Variants in LEKR1 observed in about 807,000 individuals in gnomAD.
The protein encoded by LEKR1 is leucine, glutamate and lysine rich 1.
A neutral mutation model predicts 72.4 loss-of-function variants in LEKR1; 59 were observed. The ratio of observed to expected loss-of-function variants is 0.82; its 90% CI spans 0.66 to 1.01. The LOEUF (loss-of-function observed/expected upper bound fraction) is 1.01. LEKR1 is among the 50% of genes least tolerant of loss of function. The pLI is 0.00. For missense variants in LEKR1, 728 were observed against 759.2 expected (o/e 0.96, Z 0.48); for synonymous variants, 257 against 263.2 (o/e 0.98, Z 0.23).
chr3:156,897,970 G>A (rs768217222), intron 3 of LEKR1, among the ~76,000 whole-genome samples: 4,616 of 146,046 alleles, frequency 0.032, 108 homozygotes, highest in Non-Finnish European at 0.048. Context: ...AAAAAAAAAA[G>A]AAATTGTGGA....
In LEKR1 at chr3:157,008,121, T is replaced by A. The variant is rs562827535; in HGVS notation, c.1110-3292T>A. ...CAGCCTAAAGACTAATGTGCAAGCA[T>A]CAAGCCTGCTGGGTCTGCCTCACAC... On this transcript the variant is annotated intron_variant, in intron 9 of 12. Transcript: ENST00000356539. Among the ~76,000 whole-genome samples the A allele has an allele frequency of 2.0e-5, 3 of 152,372 alleles. 1 individual carries two copies. The South Asian group carries it at 6.2e-4, about 32-fold the overall frequency.
At chr3:156,995,917 G>A (rs1020223873) in intron 9 of LEKR1, among the ~76,000 whole-genome samples, 7 of 151,628 alleles carry the variant, frequency 4.6e-5, no homozygotes, top group Non-Finnish European at 1.0e-4. Context: ...AAACATAAGC[G>A]TTGCCTTCTT....
intron 3 of LEKR1, among the ~76,000 whole-genome samples, chr3:156,873,793 A>AT (rs1040275466): frequency 6.6e-6 from 1 of 151,564 alleles, no homozygotes; most frequent in Non-Finnish European, 1.5e-5. Context: ...TAGTTAGGAG[A>AT]TTTTTTCTTT....
intron 5 of LEKR1, among the ~76,000 whole-genome samples, chr3:156,940,351 G>GA (rs988983116): frequency 3.3e-5 from 5 of 152,148 alleles, no homozygotes; most frequent in African/African-American, 1.2e-4. Flanking sequence ...GGTCCAAAAA[G>GA]ATTTCTGCAC....
chr3:156,886,643 CT>C (rs1239148230), intron 3 of LEKR1, among the ~76,000 whole-genome samples: 1 of 152,128 alleles, frequency 6.6e-6, no homozygotes, highest in Non-Finnish European at 1.5e-5. Context: ...GCTACTTCTA[CT>C]TTTTTGTGGG....
intron 3 of LEKR1, among the ~76,000 whole-genome samples, chr3:156,903,483 G>A (rs1722229914): frequency 6.6e-6 from 1 of 151,956 alleles, no homozygotes; most frequent in South Asian, 2.1e-4. Context: ...GATAGATCCT[G>A]GGCCATACAC....
chr3:157,021,770 G>C (rs538339341), intron 10 of LEKR1, among the ~76,000 whole-genome samples: 19 of 152,038 alleles, frequency 1.2e-4, no homozygotes, highest in Admixed American at 3.3e-4. Flanking sequence ...ATAGTTTGTT[G>C]CTCTTTTATT....
intron 3 of LEKR1, among the ~76,000 whole-genome samples, chr3:156,860,747 C>T (rs1342680820): frequency 6.6e-6 from 1 of 152,096 alleles, no homozygotes; most frequent in Non-Finnish European, 1.5e-5. Flanking sequence ...TAGTAAGTGG[C>T]TTAAATGGAC....
chr3:156,945,659 A>G (rs1332640964), intron 6 of LEKR1, among the ~76,000 whole-genome samples: 1 of 151,588 alleles, frequency 6.6e-6, no homozygotes, highest in African/African-American at 2.4e-5. Context: ...AGTTTTATTC[A>G]TCTGCATATG....
intron 3 of LEKR1, among the ~76,000 whole-genome samples, chr3:156,873,946 T>A (rs1718267880): frequency 6.6e-6 from 1 of 152,096 alleles, no homozygotes; most frequent in Non-Finnish European, 1.5e-5. Flanking sequence ...AGTCTTTGAC[T>A]TTGACAGTTT....
At chr3:156,834,240 G>C (rs1712815393) in intron 2 of LEKR1, among the ~76,000 whole-genome samples, 1 of 152,110 alleles carries the variant, frequency 6.6e-6, no homozygotes. Context: ...TTCTGGCCTT[G>C]TAACAGTGTG....
chr3:156,959,945 C>T (rs1302321424), intron 6 of LEKR1, among the ~76,000 whole-genome samples: 1 of 151,978 alleles, frequency 6.6e-6, no homozygotes, highest in Non-Finnish European at 1.5e-5. Flanking sequence ...CCTTTCATCC[C>T]CCCCACCCAT....
intron 7 of LEKR1, among the ~76,000 whole-genome samples, chr3:156,982,088 A>G (rs1730250824): frequency 6.6e-6 from 1 of 152,196 alleles, no homozygotes; most frequent in East Asian, 1.9e-4. Context: ...TTTTTCCAAG[A>G]TTTTTAAGAA....
At chr3:156,876,987 G>C (rs1718676249) in intron 3 of LEKR1, among the ~76,000 whole-genome samples, 1 of 152,058 alleles carries the variant, frequency 6.6e-6, no homozygotes, top group Non-Finnish European at 1.5e-5. Flanking sequence ...TTACCTTAAG[G>C]TATATCCCTT....
intron 3 of LEKR1, among the ~76,000 whole-genome samples, chr3:156,903,570 G>T (rs1457954588): frequency 6.6e-6 from 1 of 152,078 alleles, no homozygotes; most frequent in Admixed American, 6.6e-5. Flanking sequence ...TGGATGATAG[G>T]TTTCAAGGAA....
At chr3:156,966,718 C>T (rs954148232) in intron 6 of LEKR1, among the ~76,000 whole-genome samples, 4 of 152,196 alleles carry the variant, frequency 2.6e-5, no homozygotes, top group African/African-American at 9.7e-5. Flanking sequence ...CATAGCCAAA[C>T]AAAAGGCATC....
At chr3:156,986,320 T>C (rs1366827460) in intron 7 of LEKR1, among the ~76,000 whole-genome samples, 1 of 152,122 alleles carries the variant, frequency 6.6e-6, no homozygotes, top group Non-Finnish European at 1.5e-5. Context: ...ATCTAATCTG[T>C]TTTTTAAAAG....
At chr3:156,830,200 C>T (rs1424096416) in intron 2 of LEKR1, among the ~76,000 whole-genome samples, 1 of 152,152 alleles carries the variant, frequency 6.6e-6, no homozygotes, top group South Asian at 2.1e-4. Flanking sequence ...TGAGCTCAGG[C>T]ATTGTGATTA....
chr3:156,841,619 G>C (rs928111528), intron 2 of LEKR1, among the ~76,000 whole-genome samples: 1 of 152,156 alleles, frequency 6.6e-6, no homozygotes, highest in Admixed American at 6.5e-5. Flanking sequence ...TATACAACAA[G>C]TATTTATTAT....
Sources: gnomAD v4.1 joint callset for allele counts (sites outside exome capture counted in the v4.1 genomes callset) on GRCh38, gnomAD v4.1.1 for gene constraint, MANE v1.5 for transcripts, NCBI Gene and HGNC (gene_info 2026-07-23, HGNC 2026-07-21) for gene names.